Variants in ZSCAN21 observed in about 807,000 individuals in gnomAD.
ZSCAN21 encodes the protein zinc finger and SCAN domain containing 21.
ZSCAN21 carries 26 observed loss-of-function variants against 35.6 expected under a neutral mutation model. That is an observed-to-expected ratio of 0.73 (90% CI 0.54 to 1.01). The LOEUF (loss-of-function observed/expected upper bound fraction) is 1.01. Among genes scored for constraint, ZSCAN21 ranks in the 50% least tolerant of loss-of-function variants. The pLI is 0.00. For missense variants in ZSCAN21, 593 were observed against 587.1 expected (o/e 1.01, Z -0.10); for synonymous variants, 219 against 219.3 (o/e 1.00, Z 0.01).
chr7:100,063,614 G>A (rs1792457985), intron 3 of ZSCAN21, among the ~76,000 whole-genome samples, 174 bp from the exon 4 acceptor site: 1 of 151,982 alleles, frequency 6.6e-6, no homozygotes, highest in Non-Finnish European at 1.5e-5. Flanking sequence ...AAGAAGTGCA[G>A]TATTGTAAAC....
At chr7:100,050,901 G>C (rs1012242038) in intron 1 of ZSCAN21, among the ~76,000 whole-genome samples, 2 of 151,338 alleles carry the variant, frequency 1.3e-5, no homozygotes, top group Non-Finnish European at 2.9e-5. Flanking sequence ...TCAGGTTAAA[G>C]AATTTGTGTG....
chr7:100,053,546 A>ATACATAATTTT (rs755978112), intron 1 of ZSCAN21, among the ~76,000 whole-genome samples: 3 of 79,488 alleles, frequency 3.8e-5, no homozygotes, highest in Non-Finnish European at 5.1e-5. Flanking sequence ...TACATACATA[A>ATACATAATTTT]TTTTTTTTTT....
chr7:100,064,614 G>A lies in ZSCAN21; in HGVS notation c.1419G>A (p.Pro473=), dbSNP rs533111220. The change falls in exon 4 of 4, where the codon CCG becomes CCA. Residue 473 remains proline, a synonymous_variant. Transcript: ENST00000292450. ...TCCACACTGGAGAGGGAGAAGCACC[G>A]TAACTTTCAAGCGCTCCTGTTGTTG... The part of the protein sequence containing the change: ...QRVHTGEGEA[P] 49 of 1,612,496 alleles carry A rather than the reference G, an allele frequency of 3.0e-5. No homozygotes were observed. The Admixed American group carries it at 3.4e-4, about 11-fold the overall frequency.
intron 1 of ZSCAN21, among the ~76,000 whole-genome samples, chr7:100,051,972 C>T (rs1407385179): frequency 6.6e-6 from 1 of 151,966 alleles, no homozygotes; most frequent in African/African-American, 2.4e-5. Flanking sequence ...CCTTTGTCAC[C>T]CAGGCTGGAG....
At chr7:100,053,868 T>C (rs1457339806) in intron 1 of ZSCAN21, among the ~76,000 whole-genome samples, 1 of 151,990 alleles carries the variant, frequency 6.6e-6, no homozygotes, top group Non-Finnish European at 1.5e-5. Context: ...TTTCTGGAGT[T>C]TATATGATGA....
intron 3 of ZSCAN21, among the ~76,000 whole-genome samples, chr7:100,061,967 G>C (rs775530525): frequency 7.9e-5 from 12 of 152,182 alleles, no homozygotes; most frequent in Non-Finnish European, 1.5e-4. Flanking sequence ...AGATAAACTG[G>C]TTCCATCTGA....
At chr7:100,058,915 A>ATGTTATTT (rs558485079) in intron 3 of ZSCAN21, among the ~76,000 whole-genome samples, 84 of 152,276 alleles carry the variant, frequency 5.5e-4, no homozygotes, top group Admixed American at 3.9e-4. Flanking sequence ...AGCTGGCCCT[A>ATGTTATTT]TGTTATTTTG....
Position 100,057,090 on chromosome 7 carries a change from C to A in ZSCAN21, c.84C>A (p.Val28=), listed in dbSNP as rs761620412. The change falls in exon 2 of 4, where the codon GTC becomes GTA. Residue 28 remains valine, a synonymous_variant. Transcript: ENST00000292450. ...AGGTGGGGCCTCTGATGGTAAAAGT[C>A]GAGGAGAAAGAAGAGAAAGGCAAGT... ...QEQVGPLMVK[V]EEKEEKGKYL... 11 of 1,613,880 alleles carry A rather than the reference C, an allele frequency of 6.8e-6. No homozygotes were observed. Among genetic ancestry groups the A allele is most frequent in the Middle Eastern group, 3.3e-4 (2 of 6,070 alleles).
intron 1 of ZSCAN21, among the ~76,000 whole-genome samples, chr7:100,055,972 G>A (rs868218828): frequency 7.2e-6 from 1 of 139,104 alleles, no homozygotes; most frequent in Non-Finnish European, 1.5e-5. Flanking sequence ...ACGGAGTCTC[G>A]CTCTGTCGCC....
chr7:100,063,734 T>C (rs552945973), intron 3 of ZSCAN21, 54 bp from the exon 4 acceptor site: 9 of 1,516,810 alleles, frequency 5.9e-6, no homozygotes, highest in Non-Finnish European at 8.0e-6. Flanking sequence ...GGTAACAGTT[T>C]CTTCCTCAGA....
Position 100,064,711 on chromosome 7 carries a change from A to T in ZSCAN21, c.*94A>T, listed in dbSNP as rs1370818848. The T allele has an allele frequency of 1.7e-5, 28 of 1,608,698 alleles. No homozygotes were observed. The highest frequency in any genetic ancestry group is 2.3e-5 in the Non-Finnish European group (27 of 1,176,424). On this transcript the variant is annotated 3_prime_UTR_variant, in exon 4 of 4. Transcript: ENST00000292450. ...CATTGCAGCAGCATCGATTCCGGTG[A>T]TAGAGTTTGTATCACTCAACATCAG... is the stretch of plus-strand genomic sequence containing the variant.
At chr7:100,057,513 G>T in intron 2 of ZSCAN21, 108 bp downstream of exon 2, 1 of 1,430,880 alleles carries the variant, frequency 7.0e-7, no homozygotes, top group South Asian at 1.4e-5. Context: ...AATTTCTGCT[G>T]AATTAGACCT....
chr7:100,057,843 A>T lies in ZSCAN21; in HGVS notation c.545A>T (p.Glu182Val), dbSNP rs1562846450. Residue 182 changes from glutamate to valine, a missense_variant, in exon 3 of 4, where the codon GAG (glutamate) becomes GTG (valine). Coordinates refer to ENST00000292450, the MANE Select transcript of ZSCAN21 (RefSeq NM_145914.3). ...YESWGPLYIQ[E>V]SGEEQEFAQD... ...TCTTGGGGGCCCCTGTACATCCAAG[A>T]GTCTGGTGAGGAGCAGGAGTTCGCT... 1.2e-6 allele frequency: 2 copies of T among 1,613,684 alleles called. No homozygotes were observed. Among genetic ancestry groups the T allele is most frequent in the East Asian group, 4.5e-5 (2 of 44,872 alleles).
In ZSCAN21 at chr7:100,063,773, T is replaced by C. The variant is rs773239973; in HGVS notation, c.593-15T>C. 8 of 1,589,234 alleles carry C rather than the reference T, an allele frequency of 5.0e-6. No homozygotes were observed. In the African/African-American group the frequency reaches 1.1e-4, roughly 22 times the overall value. ...AGAAACAACTGAAGTATCCTTAATC[T>C]GCTTATTGTTTCAGATTGCAGATTG... On this transcript the variant is annotated splice_polypyrimidine_tract_variant and intron_variant, in intron 3 of 3. Transcript: ENST00000292450.
At chr7:100,052,857 G>A (rs1791932572) in intron 1 of ZSCAN21, among the ~76,000 whole-genome samples, 1 of 152,028 alleles carries the variant, frequency 6.6e-6, no homozygotes, top group African/African-American at 2.4e-5. Flanking sequence ...CACCGGGCGT[G>A]GTGGCTCACG....
At chr7:100,061,406 C>T (rs1792285050) in intron 3 of ZSCAN21, among the ~76,000 whole-genome samples, 1 of 152,058 alleles carries the variant, frequency 6.6e-6, no homozygotes, top group African/African-American at 2.4e-5. Context: ...CCTGGGGTCC[C>T]AGCTATTCGG....
chr7:100,057,410 G>A lies in ZSCAN21; in HGVS notation c.399+5G>A, dbSNP rs748631166. 6.5e-7 allele frequency: 1 copy of A among 1,532,696 alleles called. No individual in the cohort carries two copies. Among genetic ancestry groups the A allele is most frequent in the Admixed American group, 2.1e-5 (1 of 47,304 alleles). The allele number at this position is 1,532,696 out of a possible 1,614,324, so 94.9% of individuals were successfully genotyped here. On this transcript the variant is annotated splice_donor_5th_base_variant and intron_variant, in intron 2 of 3. Transcript: ENST00000292450. Reference sequence around the variant, plus strand: ...CTGGATGAGCCAGGACACCAGGTAGGCAGGAGAGACCTTTGTTATTCTAGG... The same window carrying A: ...CTGGATGAGCCAGGACACCAGGTAGACAGGAGAGACCTTTGTTATTCTAGG...
rs755978112 is a variant in ZSCAN21 at position 100,053,546 on chromosome 7, A to ATACATAGTTTTTTTTTTTTTTTT, written c.-96-3364_-96-3363insACATAGTTTTTTTTTTTTTTTTT. 2.5e-5 allele frequency among the ~76,000 whole-genome samples: 2 copies of ATACATAGTTTTTTTTTTTTTTTT among 79,488 alleles called. 1 individual carries two copies. Among genetic ancestry groups the ATACATAGTTTTTTTTTTTTTTTT allele is most frequent in the Non-Finnish European group, 5.1e-5 (2 of 38,918 alleles). 52.1% of individuals were successfully genotyped at this position (79,488 alleles called of 152,430 possible). ...ACATACATACATACATACATACATA[A>ATACATAGTTTTTTTTTTTTTTTT]TTTTTTTTTTTTTTTTTTTTTTGCA... On this transcript the variant is annotated intron_variant, in intron 1 of 3. Transcript: ENST00000292450.
intron 1 of ZSCAN21, among the ~76,000 whole-genome samples, chr7:100,056,467 GA>G (rs1275350141): frequency 7.2e-6 from 1 of 138,850 alleles, no homozygotes. Flanking sequence ...ATTGCAGAAA[GA>G]TTTTTTTTTT....
Sources: allele counts gnomAD v4.1 joint callset (sites outside exome capture counted in the v4.1 genomes callset), GRCh38; gene constraint gnomAD v4.1.1; transcripts MANE v1.5; gene names NCBI Gene and HGNC (gene_info 2026-07-23, HGNC 2026-07-21).